Variants in VMP1 observed in about 807,000 individuals in gnomAD.
VMP1 encodes the protein ectopic P-granules autophagy protein 3 homolog.
A neutral mutation model predicts 56.0 loss-of-function variants in VMP1; 11 were observed. The ratio of observed to expected loss-of-function variants is 0.20; its 90% CI spans 0.12 to 0.32. The LOEUF is 0.32. Among genes scored for constraint, VMP1 ranks in the 10% least tolerant of loss-of-function variants. VMP1 has a pLI of 1.00. For synonymous variants in VMP1, 149 were observed against 165.0 expected (o/e 0.90, Z 0.74); for missense variants, 296 against 490.3 (o/e 0.60, Z 3.74).
At chr17:59,726,037 G>A (rs1478065059) in intron 1 of VMP1, among the ~76,000 whole-genome samples, 9 of 152,082 alleles carry the variant, frequency 5.9e-5, no homozygotes, top group African/African-American at 2.2e-4. Context: ...GTAGGAGAAA[G>A]GTTTTAGAAT....
intron 7 of VMP1, among the ~76,000 whole-genome samples, chr17:59,780,363 G>A (rs968511596): frequency 6.6e-6 from 1 of 152,136 alleles, no homozygotes; most frequent in African/African-American, 2.4e-5. Context: ...GACCAAGGTG[G>A]GCGGATCACT....
At chr17:59,801,120 G>A (rs1037201470) in intron 7 of VMP1, among the ~76,000 whole-genome samples, 26 of 132,166 alleles carry the variant, frequency 2.0e-4, no homozygotes, top group African/African-American at 4.4e-4. Flanking sequence ...ATATGTGTGT[G>A]TGTGTGTGTG....
At chr17:59,795,475 C>T (rs1050279273) in intron 7 of VMP1, among the ~76,000 whole-genome samples, 2 of 149,624 alleles carry the variant, frequency 1.3e-5, no homozygotes, top group Non-Finnish European at 3.0e-5. Flanking sequence ...TTTTACAGCC[C>T]CCTTACATCT....
intron 7 of VMP1, among the ~76,000 whole-genome samples, chr17:59,808,450 A>T (rs1171122255): frequency 2.0e-5 from 3 of 152,242 alleles, no homozygotes; most frequent in Non-Finnish European, 4.4e-5. Context: ...ATTATAGAAG[A>T]AAGGAAAAGG....
At chr17:59,773,679 G>A in intron 6 of VMP1, 75 bp from the exon 7 acceptor site, 1 of 1,370,050 alleles carries the variant, frequency 7.3e-7, no homozygotes, top group Non-Finnish European at 9.8e-7. Context: ...TGATATAGAA[G>A]AGTATGGGTT....
chr17:59,747,972 G>A (rs1256702670), intron 5 of VMP1, among the ~76,000 whole-genome samples: 3 of 151,632 alleles, frequency 2.0e-5, no homozygotes, highest in African/African-American at 4.8e-5. Flanking sequence ...CAAGACGGGC[G>A]GATCACGAGG....
intron 5 of VMP1, among the ~76,000 whole-genome samples, chr17:59,753,343 G>A (rs2035723622): frequency 6.6e-6 from 1 of 152,028 alleles, no homozygotes; most frequent in South Asian, 2.1e-4. Flanking sequence ...TAGCCACCTT[G>A]TAATTATTTC....
chr17:59,776,090 T>C (rs1043562520), intron 7 of VMP1, among the ~76,000 whole-genome samples: 1 of 152,176 alleles, frequency 6.6e-6, no homozygotes, highest in African/African-American at 2.4e-5. Context: ...TGCATTCCTG[T>C]AGTCCCTGCT....
At chr17:59,801,552 C>T (rs570585729) in intron 7 of VMP1, among the ~76,000 whole-genome samples, 2 of 152,134 alleles carry the variant, frequency 1.3e-5, no homozygotes, top group South Asian at 4.1e-4. Context: ...CTGTGCCTGG[C>T]CCAAAATATC....
At chr17:59,839,636 G>T in intron 11 of VMP1, 132 bp from the exon 12 acceptor site, 1 of 1,105,922 alleles carries the variant, frequency 9.0e-7, no homozygotes, top group South Asian at 1.6e-5. Flanking sequence ...GAGTAGTTGG[G>T]GTTGCTTACT....
Position 59,839,751 on chromosome 17 carries a change from T to C in VMP1, c.1078-17T>C, listed in dbSNP as rs753475101. The C allele has an allele frequency of 6.2e-7, 1 of 1,605,170 alleles. No individual in the cohort carries two copies. The highest frequency in any genetic ancestry group is 1.1e-5 in the South Asian group (1 of 89,204). The stretch of plus-strand genomic sequence containing the variant: ...TGAAGCCTTTTTCATTGCATTGTTC[T>C]GCATTTATTTCTACAGGGAGAAAAC... On this transcript the variant is annotated splice_polypyrimidine_tract_variant and intron_variant, in intron 11 of 11. Coordinates refer to ENST00000262291, the MANE Select transcript of VMP1 (RefSeq NM_030938.5).
chr17:59,806,521 G>T (rs1185211795), intron 7 of VMP1, among the ~76,000 whole-genome samples: 5 of 151,910 alleles, frequency 3.3e-5, no homozygotes. Context: ...TTCGAGACCA[G>T]CCTGACAATA....
intron 7 of VMP1, among the ~76,000 whole-genome samples, chr17:59,784,425 C>T (rs79375837): frequency 0.045 from 6,773 of 152,088 alleles, 496 homozygotes; most frequent in African/African-American, 0.15. Flanking sequence ...CCCTACCTCA[C>T]CCCCTTCACT....
intron 2 of VMP1, among the ~76,000 whole-genome samples, chr17:59,734,798 A>C (rs1405864641): frequency 6.6e-6 from 1 of 151,350 alleles, no homozygotes; most frequent in Non-Finnish European, 1.5e-5. Flanking sequence ...AGAATTTTCC[A>C]TTTATTATTT....
intron 6 of VMP1, among the ~76,000 whole-genome samples, chr17:59,766,582 C>T (rs2036238397): frequency 6.6e-6 from 1 of 152,172 alleles, no homozygotes; most frequent in Non-Finnish European, 1.5e-5. Flanking sequence ...AAAGTAAGGT[C>T]AGACATTTCT....
intron 7 of VMP1, chr17:59,784,803 G>A (rs1345095933): frequency 6.6e-6 from 1 of 152,170 alleles, no homozygotes; most frequent in Non-Finnish European, 1.5e-5. Context: ...ATAGTCATCT[G>A]AGAGCAATTG....
intron 9 of VMP1, among the ~76,000 whole-genome samples, chr17:59,816,618 A>G (rs2038240925): frequency 6.6e-6 from 1 of 151,830 alleles, no homozygotes; most frequent in South Asian, 2.1e-4. Context: ...ATCCTGGCTA[A>G]CACAGTGAAA....
chr17:59,734,301 A>G (rs1035084569), intron 2 of VMP1, among the ~76,000 whole-genome samples: 3 of 152,192 alleles, frequency 2.0e-5, no homozygotes, highest in African/African-American at 7.2e-5. Context: ...ATAGGAAAAA[A>G]CACTGTGTTG....
At chr17:59,725,254 T>G (rs2034558102) in intron 1 of VMP1, among the ~76,000 whole-genome samples, 1 of 152,212 alleles carries the variant, frequency 6.6e-6, no homozygotes, top group South Asian at 2.1e-4. Context: ...ATTGTGTGAT[T>G]TTCTTCAGTT....
Sources: gnomAD v4.1 joint callset for allele counts (sites outside exome capture counted in the v4.1 genomes callset) on GRCh38, gnomAD v4.1.1 for gene constraint, MANE v1.5 for transcripts, NCBI Gene and HGNC (gene_info 2026-07-23, HGNC 2026-07-21) for gene names.